Variants in HS6ST3 observed in about 807,000 individuals in gnomAD.
HS6ST3 encodes heparan-sulfate 6-O-sulfotransferase 3.
In HS6ST3, 12 loss-of-function variants were observed where a neutral mutation model predicts 36.7. The observed-to-expected ratio is 0.33, with a 90% confidence interval of 0.21 to 0.53. The LOEUF is 0.53. Ranked by LOEUF, HS6ST3 falls within the 20% of genes least tolerant of loss-of-function variation. The probability of loss-of-function intolerance (pLI) is 0.95; values close to 1 mark genes in which losing one functional copy is unlikely to be tolerated. For synonymous variants in HS6ST3, 240 were observed against 257.5 expected, an observed-to-expected ratio of 0.93 and a Z score of 0.65; for missense variants, 584 against 640.9, an observed-to-expected ratio of 0.91 and a Z score of 0.96.
In HS6ST3 at chr13:96,090,364, C is replaced by T. The variant is rs2053754349; in HGVS notation, c.-499C>T. On this transcript the variant is annotated 5_prime_UTR_variant, in exon 1 of 2. Transcript: ENST00000376705. ...CGCGTGCCGGGCGCGGTGCCCGCGGCCGGCCGGGGCGGCGGGAGCGGGCCG... is the reference window on the plus strand; with the variant it reads ...CGCGTGCCGGGCGCGGTGCCCGCGGTCGGCCGGGGCGGCGGGAGCGGGCCG... Among the ~76,000 whole-genome samples, 1 of 146,256 alleles carries T rather than the reference C, an allele frequency of 6.8e-6. No homozygotes were observed. The highest frequency in any genetic ancestry group is 2.4e-5 in the African/African-American group (1 of 40,834).
intron 1 of HS6ST3, among the ~76,000 whole-genome samples, chr13:96,682,190 C>T (rs1374373847): frequency 1.3e-5 from 2 of 152,032 alleles, no homozygotes; most frequent in Non-Finnish European, 2.9e-5. Flanking sequence ...CATATTCAGA[C>T]CTATATATAT....
At chr13:96,518,655 T>A (rs1330852168) in intron 1 of HS6ST3, among the ~76,000 whole-genome samples, 2 of 152,176 alleles carry the variant, frequency 1.3e-5, no homozygotes, top group Non-Finnish European at 2.9e-5. Flanking sequence ...TGTGCTATAT[T>A]TTTATAGATT....
At chr13:96,205,020 A>T (rs2054362676) in intron 1 of HS6ST3, among the ~76,000 whole-genome samples, 1 of 152,142 alleles carries the variant, frequency 6.6e-6, no homozygotes, top group South Asian at 2.1e-4. Flanking sequence ...AGACACAAAA[A>T]ACTCTTCAAA....
intron 1 of HS6ST3, among the ~76,000 whole-genome samples, chr13:96,742,338 A>G (rs146889557): frequency 3.8e-4 from 58 of 152,286 alleles, no homozygotes; most frequent in African/African-American, 1.3e-3. Flanking sequence ...CATAATCTCA[A>G]TGGATACATG....
chr13:96,538,094 G>A (rs1392960673), intron 1 of HS6ST3, among the ~76,000 whole-genome samples: 1 of 152,196 alleles, frequency 6.6e-6, no homozygotes, highest in African/African-American at 2.4e-5. Context: ...TGCTTACACT[G>A]TGTACTTCCA....
chr13:96,541,601 A>G (rs1004493798), intron 1 of HS6ST3, among the ~76,000 whole-genome samples: 1 of 152,188 alleles, frequency 6.6e-6, no homozygotes, highest in Non-Finnish European at 1.5e-5. Flanking sequence ...CCTGGGAGCT[A>G]TGATTACAGG....
intron 1 of HS6ST3, among the ~76,000 whole-genome samples, chr13:96,739,192 C>A (rs957680777): frequency 1.3e-5 from 2 of 150,108 alleles, no homozygotes; most frequent in South Asian, 2.1e-4. Context: ...ATTTTTCATA[C>A]CCCTTCTGTT....
chr13:96,770,376 A>AT (rs1877234855), intron 1 of HS6ST3, among the ~76,000 whole-genome samples: 1 of 152,146 alleles, frequency 6.6e-6, no homozygotes, highest in Non-Finnish European at 1.5e-5. Flanking sequence ...GCATATTCTG[A>AT]TTTTTTTAAA....
chr13:96,681,765 A>G (rs2056719035), intron 1 of HS6ST3, among the ~76,000 whole-genome samples: 1 of 152,080 alleles, frequency 6.6e-6, no homozygotes, highest in African/African-American at 2.4e-5. Flanking sequence ...AAGTCTACAT[A>G]GCCCAGTTTT....
intron 1 of HS6ST3, among the ~76,000 whole-genome samples, chr13:96,654,986 G>A (rs2056619770): frequency 6.6e-6 from 1 of 152,074 alleles, no homozygotes; most frequent in African/African-American, 2.4e-5. Context: ...TTCCCCTGAA[G>A]AGTTTACATT....
At chr13:96,563,784 T>A (rs931495733) in intron 1 of HS6ST3, among the ~76,000 whole-genome samples, 1 of 152,206 alleles carries the variant, frequency 6.6e-6, no homozygotes, top group Non-Finnish European at 1.5e-5. Flanking sequence ...ACAGTCTCTA[T>A]GTTGATAGGT....
At chr13:96,379,450 T>A (rs1168547013) in intron 1 of HS6ST3, among the ~76,000 whole-genome samples, 2 of 152,198 alleles carry the variant, frequency 1.3e-5, no homozygotes, top group African/African-American at 4.8e-5. Context: ...AGGTCCTCAC[T>A]AGACACTGGA....
intron 1 of HS6ST3, among the ~76,000 whole-genome samples, chr13:96,803,972 T>C (rs1878141206): frequency 6.6e-6 from 1 of 152,134 alleles, no homozygotes; most frequent in African/African-American, 2.4e-5. Context: ...CTCAACAGCC[T>C]GCAGCTTATC....
chr13:96,821,411 C>A (rs926386906), intron 1 of HS6ST3, among the ~76,000 whole-genome samples: 2 of 152,162 alleles, frequency 1.3e-5, no homozygotes, highest in Non-Finnish European at 2.9e-5. Context: ...CCAAGACAGC[C>A]TGATTTTTAC....
At chr13:96,595,624 A>G (rs766128859) in intron 1 of HS6ST3, among the ~76,000 whole-genome samples, 2 of 152,018 alleles carry the variant, frequency 1.3e-5, no homozygotes, top group Admixed American at 6.6e-5. Flanking sequence ...GATAAGCTTT[A>G]TAGCCCTTTA....
chr13:96,709,992 A>G (rs949175272), intron 1 of HS6ST3, among the ~76,000 whole-genome samples: 10 of 152,208 alleles, frequency 6.6e-5, no homozygotes, highest in Non-Finnish European at 1.0e-4. Context: ...GCAGAGCCGT[A>G]TTTGAATCTG....
chr13:96,164,322 G>A (rs534227719), intron 1 of HS6ST3, among the ~76,000 whole-genome samples: 31 of 152,220 alleles, frequency 2.0e-4, no homozygotes, highest in African/African-American at 7.0e-4. Flanking sequence ...ACTTGGCCAA[G>A]GAAGGAGGAT....
intron 1 of HS6ST3, among the ~76,000 whole-genome samples, chr13:96,403,931 T>C (rs1679788365): frequency 6.6e-6 from 1 of 152,210 alleles, no homozygotes; most frequent in African/African-American, 2.4e-5. Context: ...AATGGGCAGA[T>C]TGGATGAGTA....
At chr13:96,743,014 C>G (rs563625952) in intron 1 of HS6ST3, among the ~76,000 whole-genome samples, 1 of 151,890 alleles carries the variant, frequency 6.6e-6, no homozygotes, top group African/African-American at 2.4e-5. Context: ...CCACTCTAAC[C>G]TTTTTCCTGT....
Sources: allele counts gnomAD v4.1 joint callset (sites outside exome capture counted in the v4.1 genomes callset), GRCh38; gene constraint gnomAD v4.1.1; transcripts MANE v1.5; gene names NCBI Gene and HGNC (gene_info 2026-07-23, HGNC 2026-07-21).